GABBR2: variants seen among roughly 807,000 people sequenced by gnomAD.
GABBR2 encodes gamma-aminobutyric acid type B receptor subunit 2.
In GABBR2, 23 loss-of-function variants were observed where a neutral mutation model predicts 105.6. That is an observed-to-expected ratio of 0.22 (90% CI 0.16 to 0.31). The LOEUF is 0.31. Among genes scored for constraint, GABBR2 ranks in the 10% least tolerant of loss-of-function variants. GABBR2 has a pLI of 1.00. For missense variants in GABBR2, 734 were observed against 1,245.5 expected (o/e 0.59, Z 6.18); for synonymous variants, 478 against 499.7 (o/e 0.96, Z 0.58).
At chr9:98,670,348 T>G (rs1830391813) in intron 1 of GABBR2, among the ~76,000 whole-genome samples, 1 of 152,122 alleles carries the variant, frequency 6.6e-6, no homozygotes. Context: ...TAACAAGTGT[T>G]GATGAGGACA....
rs761748286 is a variant in GABBR2 at position 98,299,277 on chromosome 9, TG to T, written c.2488del (p.His830ThrfsTer25). On this transcript the variant is annotated frameshift_variant, in exon 17 of 19. Coordinates refer to ENST00000259455, the MANE Select transcript of GABBR2 (RefSeq NM_005458.8). LOFTEE classifies it high-confidence loss of function. ...GAGGATGTCATTGAGCTCTTGGTAGTGGTTCTGTTTAATGTAGGTGGTCTTT... is the reference window on the plus strand; with the variant it reads ...GAGGATGTCATTGAGCTCTTGGTAGTGTTCTGTTTAATGTAGGTGGTCTTT... ...PEKTTYIKQN[H>X]YQELNDILNL... is the part of the protein sequence containing the mutation. 1 of 1,614,064 alleles carries T rather than the reference TG, an allele frequency of 6.2e-7. No individual in the cohort carries two copies. The highest frequency in any genetic ancestry group is 1.1e-5 in the South Asian group (1 of 91,070).
At chr9:98,643,200 C>A (rs761482143) in intron 1 of GABBR2, among the ~76,000 whole-genome samples, 1 of 152,258 alleles carries the variant, frequency 6.6e-6, no homozygotes, top group Non-Finnish European at 1.5e-5. Flanking sequence ...TATTCACCCA[C>A]CAACCCTGCC....
chr9:98,613,500 C>G (rs1032834598), intron 1 of GABBR2, among the ~76,000 whole-genome samples: 1 of 151,848 alleles, frequency 6.6e-6, no homozygotes, highest in Non-Finnish European at 1.5e-5. Flanking sequence ...CTGGGCTGGC[C>G]TTGTGACTTG....
At chr9:98,487,560 A>G (rs1417600326) in intron 4 of GABBR2, among the ~76,000 whole-genome samples, 1 of 152,080 alleles carries the variant, frequency 6.6e-6, no homozygotes, top group African/African-American at 2.4e-5. Flanking sequence ...GAATCACTTG[A>G]GCTCAGGAGT....
At chr9:98,605,007 C>T (rs1056414280) in intron 1 of GABBR2, among the ~76,000 whole-genome samples, 11 of 152,224 alleles carry the variant, frequency 7.2e-5, no homozygotes, top group African/African-American at 2.7e-4. Context: ...GACGTGGTCC[C>T]TGCCCTCCTG....
At chr9:98,302,224 T>C (rs1204404625) in intron 16 of GABBR2, among the ~76,000 whole-genome samples, 1 of 152,238 alleles carries the variant, frequency 6.6e-6, no homozygotes, top group East Asian at 1.9e-4. Flanking sequence ...TTTTTGTTGA[T>C]GTGACTAGGG....
chr9:98,676,150 C>T (rs55974178), intron 1 of GABBR2, among the ~76,000 whole-genome samples: 6,737 of 152,280 alleles, frequency 0.044, 358 homozygotes, highest in African/African-American at 0.13. Flanking sequence ...GGCTAGAAAT[C>T]AGAGTGAATA....
chr9:98,510,457 T>G (rs1022254322), intron 3 of GABBR2, among the ~76,000 whole-genome samples: 3 of 152,152 alleles, frequency 2.0e-5, no homozygotes, highest in African/African-American at 7.2e-5. Flanking sequence ...AATGCTCCAA[T>G]TAAAAGACAC....
intron 3 of GABBR2, among the ~76,000 whole-genome samples, chr9:98,533,124 A>T (rs1399187927): frequency 1.3e-5 from 2 of 152,148 alleles, no homozygotes; most frequent in Non-Finnish European, 2.9e-5. Flanking sequence ...ACTCTGCCAG[A>T]ACTGCCTGGC....
chr9:98,680,337 G>A (rs1387090716), intron 1 of GABBR2, among the ~76,000 whole-genome samples: 2 of 151,680 alleles, frequency 1.3e-5, no homozygotes, highest in South Asian at 2.1e-4. Flanking sequence ...ACAGAGTCTC[G>A]CTCTGTCATC....
At chr9:98,348,797 T>C (rs112740011) in intron 13 of GABBR2, among the ~76,000 whole-genome samples, 2,242 of 152,348 alleles carry the variant, frequency 0.015, 30 homozygotes, top group Middle Eastern at 0.071. Context: ...ACTGAATTTA[T>C]TGATTTGTTC....
At chr9:98,467,952 G>T (rs1564081248) in intron 6 of GABBR2, among the ~76,000 whole-genome samples, 1 of 152,236 alleles carries the variant, frequency 6.6e-6, no homozygotes, top group African/African-American at 2.4e-5. Context: ...AACAGGACTT[G>T]AAAAATGGAA....
chr9:98,661,828 G>T (rs1830268507), intron 1 of GABBR2, among the ~76,000 whole-genome samples: 1 of 152,172 alleles, frequency 6.6e-6, no homozygotes, highest in African/African-American at 2.4e-5. Flanking sequence ...TTGGCCTGAA[G>T]GGAGCTGTTC....
chr9:98,430,159 G>A (rs529801050), intron 7 of GABBR2, among the ~76,000 whole-genome samples: 3 of 152,120 alleles, frequency 2.0e-5, no homozygotes, highest in South Asian at 2.1e-4. Flanking sequence ...GCTTGGTGGT[G>A]CACATCTGTA....
intron 13 of GABBR2, among the ~76,000 whole-genome samples, chr9:98,341,681 T>C (rs1180539841): frequency 6.6e-6 from 1 of 152,152 alleles, no homozygotes; most frequent in Non-Finnish European, 1.5e-5. Flanking sequence ...GCACAGCCCA[T>C]TTCCTGGTAC....
intron 2 of GABBR2, among the ~76,000 whole-genome samples, chr9:98,563,119 T>G (rs1283771871): frequency 1.5e-5 from 2 of 133,898 alleles, no homozygotes. Flanking sequence ...ACTGTCTGCA[T>G]GAAAAATAAT....
chr9:98,445,360 G>A (rs189838196), intron 7 of GABBR2, among the ~76,000 whole-genome samples: 4 of 152,348 alleles, frequency 2.6e-5, no homozygotes, highest in Admixed American at 2.6e-4. Flanking sequence ...GTGGGGGTAG[G>A]TAAGGAGGAC....
intron 1 of GABBR2, chr9:98,607,027 T>G (rs1014135665): frequency 3.1e-5 from 35 of 1,145,348 alleles, no homozygotes; most frequent in Non-Finnish European, 4.5e-5. Context: ...GAAGGCTATG[T>G]GGGATTTGCC....
At chr9:98,376,479 A>G (rs1007520992) in intron 11 of GABBR2, among the ~76,000 whole-genome samples, 36 of 152,158 alleles carry the variant, frequency 2.4e-4, no homozygotes, top group Admixed American at 6.5e-4. Flanking sequence ...AGGGCCTTTT[A>G]CTTCATTCTG....
Sources: allele counts gnomAD v4.1 joint callset (sites outside exome capture counted in the v4.1 genomes callset), GRCh38; gene constraint gnomAD v4.1.1; transcripts MANE v1.5; gene names NCBI Gene and HGNC (gene_info 2026-07-23, HGNC 2026-07-21).